The following SPTBN4 variants were observed in gnomAD, a reference collection of about 807,000 sequenced individuals.
SPTBN4 encodes the protein spectrin beta, non-erythrocytic 4.
In SPTBN4, 96 loss-of-function variants were observed where a neutral mutation model predicts 277.8. The ratio of observed to expected loss-of-function variants is 0.35; its 90% CI spans 0.29 to 0.41. The LOEUF is 0.41. SPTBN4 is among the 10% of genes least tolerant of loss of function. The probability of loss-of-function intolerance (pLI) is 1.00; values close to 1 mark genes in which losing one functional copy is unlikely to be tolerated. For synonymous variants in SPTBN4, 1,481 were observed against 1,580.3 expected, an observed-to-expected ratio of 0.94 and a Z score of 1.49; for missense variants, 3,006 against 3,595.7, an observed-to-expected ratio of 0.84 and a Z score of 4.19.
chr19:40,529,384 G>C (rs1309269049), intron 18 of SPTBN4, among the ~76,000 whole-genome samples: 4 of 152,224 alleles, frequency 2.6e-5, no homozygotes, highest in Non-Finnish European at 5.9e-5. Flanking sequence ...CCGCGCCTAC[G>C]GGTCCCGCGG....
At chr19:40,491,713 C>CAGAAA (rs2080138339) in intron 4 of SPTBN4, among the ~76,000 whole-genome samples, 1 of 38,818 alleles carries the variant, frequency 2.6e-5, no homozygotes, top group African/African-American at 1.3e-4. Flanking sequence ...GACTCTGTCT[C>CAGAAA]AAAAAAAAAA....
Position 40,516,749 on chromosome 19 carries a change from G to A in SPTBN4, c.2903+1301G>A, listed in dbSNP as rs189705330. 1.5e-4 allele frequency among the ~76,000 whole-genome samples: 23 copies of A among 152,060 alleles called. No homozygotes were observed. In the East Asian group the frequency reaches 3.1e-3, roughly 21 times the overall value. ...TGAGGCAGAAGAATTGCTTGAACCC[G>A]GGAGGCAGAGGCTACAGTGAGCCAA... On this transcript the variant is annotated intron_variant, in intron 15 of 35. Transcript: ENST00000598249.
rs1466330117 is a variant in SPTBN4 at position 40,528,323 on chromosome 19, C to T, written c.3858-718C>T. 5.3e-5 allele frequency among the ~76,000 whole-genome samples: 8 copies of T among 152,184 alleles called. No homozygotes were observed. The South Asian group carries it at 1.4e-3, about 28-fold the overall frequency. On this transcript the variant is annotated intron_variant, in intron 17 of 35. Transcript: ENST00000598249. ...GGTCCCAGCCGGCTCCAGAGTGGTA[C>T]GGCCTGGGTCCAGCCTGGTCAGTTC...
At chr19:40,551,000 C>T (rs1036457112) in intron 22 of SPTBN4, among the ~76,000 whole-genome samples, 8 of 152,184 alleles carry the variant, frequency 5.3e-5, no homozygotes, top group Non-Finnish European at 1.0e-4. Flanking sequence ...TGGCATCCCA[C>T]GCCCATCCCT....
At chr19:40,511,681 T>C (rs1256361264) in intron 13 of SPTBN4, among the ~76,000 whole-genome samples, 1 of 152,048 alleles carries the variant, frequency 6.6e-6, no homozygotes, top group Non-Finnish European at 1.5e-5. Flanking sequence ...AGTGGAAGGA[T>C]TGCTTGAGGC....
intron 2 of SPTBN4, among the ~76,000 whole-genome samples, chr19:40,484,501 GCTCAGAGAGGTCAGTGTA>G (rs2080046653): frequency 6.6e-6 from 1 of 152,182 alleles, no homozygotes; most frequent in Non-Finnish European, 1.5e-5. Context: ...GGAAGACTTA[GCTCAGAGAGGTCAGTGTA>G]CATTCCAGGT....
chr19:40,540,568 T>C (rs2080788844), intron 20 of SPTBN4, among the ~76,000 whole-genome samples: 1 of 151,320 alleles, frequency 6.6e-6, no homozygotes, highest in South Asian at 2.1e-4. Flanking sequence ...AAAAGCAACA[T>C]GGATGATTGG....
chr19:40,487,497 C>T (rs150142819), intron 2 of SPTBN4, among the ~76,000 whole-genome samples, 200 bp from the exon 3 acceptor site: 83 of 151,492 alleles, frequency 5.5e-4, no homozygotes, highest in Non-Finnish European at 1.1e-3. Context: ...GGGCGCCCGC[C>T]ACCATGTCCG....
chr19:40,538,715 G>A (rs1351469602), intron 20 of SPTBN4, among the ~76,000 whole-genome samples: 1 of 152,134 alleles, frequency 6.6e-6, no homozygotes, highest in Non-Finnish European at 1.5e-5. Context: ...AGCCTCCTGA[G>A]TAGCTGGGAC....
intron 34 of SPTBN4, 52 bp from the exon 35 acceptor site, chr19:40,572,286 G>A: frequency 2.5e-6 from 4 of 1,609,766 alleles, no homozygotes; most frequent in Non-Finnish European, 3.4e-6. Context: ...TGGTGGGCAG[G>A]TGGGCTGGGC....
intron 11 of SPTBN4, among the ~76,000 whole-genome samples, chr19:40,503,257 A>G (rs2080284208): frequency 6.6e-6 from 1 of 152,010 alleles, no homozygotes; most frequent in South Asian, 2.1e-4. Context: ...TCAGAAGGAT[A>G]GAATTGGTTT....
At chr19:40,520,609 T>C (rs2080516298) in intron 16 of SPTBN4, among the ~76,000 whole-genome samples, 1 of 152,198 alleles carries the variant, frequency 6.6e-6, no homozygotes, top group African/African-American at 2.4e-5. Flanking sequence ...AGTCAGTCAG[T>C]GATTGTGGAT....
At chr19:40,557,468 C>A in intron 26 of SPTBN4, 65 bp downstream of exon 26, 7 of 1,481,756 alleles carry the variant, frequency 4.7e-6, no homozygotes, top group Non-Finnish European at 6.3e-6. Flanking sequence ...GCAGAGTGGG[C>A]AAAAATCAGG....
chr19:40,494,858 TC>T, intron 5 of SPTBN4, 38 bp from the exon 6 acceptor site: 1 of 1,590,338 alleles, frequency 6.3e-7, no homozygotes, highest in Non-Finnish European at 8.6e-7. Flanking sequence ...CTCCTAACTC[TC>T]CCCATCTCTG....
At position 40,523,429 on chromosome 19, in the gene SPTBN4, C is replaced by T. The variant is rs2080551890; in HGVS notation, c.3655-8C>T. 1 of 1,591,698 alleles carries T rather than the reference C, an allele frequency of 6.3e-7. No homozygotes were observed. The highest frequency in any genetic ancestry group is 8.6e-7 in the Non-Finnish European group (1 of 1,168,058). ...GCTGACCTTTGCACCACGCTCCCTC[C>T]TCCCCAGGAGATGGCGCTGTCTGGT... On this transcript the variant is annotated splice_polypyrimidine_tract_variant and splice_region_variant and intron_variant, in intron 16 of 35. Transcript: ENST00000598249.
chr19:40,537,556 C>T (rs1236607321), intron 20 of SPTBN4, among the ~76,000 whole-genome samples: 1 of 152,206 alleles, frequency 6.6e-6, no homozygotes, highest in Non-Finnish European at 1.5e-5. Flanking sequence ...TTGAGAACTG[C>T]TGATGTACAC....
intron 6 of SPTBN4, among the ~76,000 whole-genome samples, chr19:40,495,973 A>C (rs2080192596): frequency 6.6e-6 from 1 of 152,158 alleles, no homozygotes; most frequent in Non-Finnish European, 1.5e-5. Context: ...GGGGAGACCC[A>C]GACCCACCTC....
chr19:40,487,384 C>G (rs1175373705), intron 2 of SPTBN4, among the ~76,000 whole-genome samples: 1 of 146,710 alleles, frequency 6.8e-6, no homozygotes, highest in Non-Finnish European at 1.5e-5. Context: ...CTTGCTCTGT[C>G]GCCCAGGCCG....
At chr19:40,471,905 ATTTTTTTTTTTTT>A (rs34333509) in intron 1 of SPTBN4, among the ~76,000 whole-genome samples, 1 of 109,386 alleles carries the variant, frequency 9.1e-6, no homozygotes, top group Admixed American at 1.1e-4. Context: ...ACATCCAGCT[ATTTTTTTTTTTTT>A]TTTTTTTTTG....
Sources: gnomAD v4.1 joint callset for allele counts (sites outside exome capture counted in the v4.1 genomes callset) on GRCh38, gnomAD v4.1.1 for gene constraint, MANE v1.5 for transcripts, NCBI Gene and HGNC (gene_info 2026-07-23, HGNC 2026-07-21) for gene names.